The following UBE3D variants were observed in gnomAD, a reference collection of about 807,000 sequenced individuals.
UBE3D encodes E3 ubiquitin-protein ligase E3D.
A neutral mutation model predicts 49.6 loss-of-function variants in UBE3D; 48 were observed. The observed-to-expected ratio is 0.97, with a 90% CI of 0.77 to 1.23. The LOEUF (loss-of-function observed/expected upper bound fraction) is 1.23, where lower values mean the gene tolerates loss of function less well. Ranked by LOEUF, UBE3D falls within the 50% of genes most tolerant of loss-of-function variation. The pLI is 0.00. For missense variants in UBE3D, 452 were observed against 468.4 expected, an observed-to-expected ratio of 0.96 and a Z score of 0.32; for synonymous variants, 189 against 174.2, an observed-to-expected ratio of 1.08 and a Z score of -0.67.
intron 5 of UBE3D, among the ~76,000 whole-genome samples, chr6:83,032,743 G>A (rs904538733): frequency 6.6e-6 from 1 of 152,076 alleles, no homozygotes; most frequent in African/African-American, 2.4e-5. Context: ...GGGACCTGGT[G>A]GGAATTAACT....
chr6:83,045,483 T>C (rs1292760338), intron 3 of UBE3D, among the ~76,000 whole-genome samples: 2 of 152,212 alleles, frequency 1.3e-5, no homozygotes, highest in Non-Finnish European at 2.9e-5. Flanking sequence ...TATGTTCTTA[T>C]TAATTTGTAA....
intron 9 of UBE3D, among the ~76,000 whole-genome samples, chr6:82,956,544 C>T (rs1271472370): frequency 2.6e-5 from 4 of 152,118 alleles, no homozygotes; most frequent in Admixed American, 6.5e-5. Flanking sequence ...GGAAATGGCT[C>T]AGAAAGTAGA....
At chr6:82,909,953 G>C (rs1430873267) in intron 9 of UBE3D, among the ~76,000 whole-genome samples, 1 of 152,142 alleles carries the variant, frequency 6.6e-6, no homozygotes, top group Non-Finnish European at 1.5e-5. Context: ...GACTAGAAAG[G>C]CACCCTTGCA....
intron 3 of UBE3D, among the ~76,000 whole-genome samples, chr6:83,045,246 C>A (rs566879518): frequency 6.6e-6 from 1 of 151,860 alleles, no homozygotes; most frequent in South Asian, 2.1e-4. Flanking sequence ...TGGTGAATTT[C>A]TTTTCAGAAA....
At chr6:82,922,321 T>A (rs1237530443) in intron 9 of UBE3D, among the ~76,000 whole-genome samples, 1 of 152,190 alleles carries the variant, frequency 6.6e-6, no homozygotes. Flanking sequence ...ATGAATTTTA[T>A]GAAACCGGTA....
rs185348164 is a variant in UBE3D at position 83,000,875 on chromosome 6, G to A, written c.1010+18098C>T. On this transcript the variant is annotated intron_variant, in intron 8 of 9. Coordinates refer to ENST00000369747, the MANE Select transcript of UBE3D (RefSeq NM_198920.3). ...TTTTTTTTTTTTGAGACGGAGTCTC[G>A]CTCTTGTTGCCCAGACTGAAGTGCA... Among the ~76,000 whole-genome samples, 176 of 147,416 alleles carry A rather than the reference G, an allele frequency of 1.2e-3. 2 individuals carry two copies. Among genetic ancestry groups the A allele is most frequent in the African/African-American group, 4.0e-3 (157 of 39,688 alleles).
chr6:83,000,629 ATTG>A, intron 8 of UBE3D, among the ~76,000 whole-genome samples: 1 of 152,110 alleles, frequency 6.6e-6, no homozygotes. Flanking sequence ...ATCGGTTCTT[ATTG>A]TTCTTAGGAT....
chr6:82,908,548 A>C (rs1479557774), intron 9 of UBE3D, among the ~76,000 whole-genome samples: 2 of 152,224 alleles, frequency 1.3e-5, no homozygotes, highest in African/African-American at 2.4e-5. Flanking sequence ...CGAAAATAAG[A>C]AATAAAACAA....
At chr6:82,960,413 C>G (rs533531618) in intron 8 of UBE3D, among the ~76,000 whole-genome samples, 15 of 152,146 alleles carry the variant, frequency 9.9e-5, no homozygotes, top group African/African-American at 3.1e-4. Context: ...CTCCATAATC[C>G]ACTATTGTCT....
chr6:83,002,688 C>T (rs2127747928), intron 8 of UBE3D, among the ~76,000 whole-genome samples: 1 of 152,304 alleles, frequency 6.6e-6, no homozygotes, highest in East Asian at 1.9e-4. Context: ...CCGTCACAAA[C>T]AAACAAACAA....
At chr6:82,974,836 C>T (rs1582517949) in intron 8 of UBE3D, among the ~76,000 whole-genome samples, 1 of 150,154 alleles carries the variant, frequency 6.7e-6, no homozygotes, top group Admixed American at 6.6e-5. Context: ...AATATTAAAA[C>T]ACTGTCATCC....
intron 8 of UBE3D, among the ~76,000 whole-genome samples, chr6:82,972,929 A>G (rs1282089937): frequency 6.6e-6 from 1 of 152,162 alleles, no homozygotes; most frequent in Admixed American, 6.5e-5. Flanking sequence ...TTGAAAACAC[A>G]TATGTTTAAC....
intron 8 of UBE3D, among the ~76,000 whole-genome samples, chr6:82,985,825 T>G (rs1778448730): frequency 6.6e-6 from 1 of 152,198 alleles, no homozygotes; most frequent in South Asian, 2.1e-4. Flanking sequence ...TTCCTATGTA[T>G]TATGTTTATA....
rs576748967 is a variant in UBE3D at position 82,901,100 on chromosome 6, T to C, written c.1150-8058A>G. 2.8e-4 allele frequency among the ~76,000 whole-genome samples: 43 copies of C among 152,308 alleles called. 1 individual carries two copies. The South Asian group carries it at 8.7e-3, about 31-fold the overall frequency. Reference sequence around the variant, plus strand: ...GGATAACTACTATTAACATTTTGGATATATATTTCTAGATTTCTACTTTTC... The same window carrying C: ...GGATAACTACTATTAACATTTTGGACATATATTTCTAGATTTCTACTTTTC... On this transcript the variant is annotated intron_variant, in intron 9 of 9. Transcript: ENST00000369747.
rs1771045906 is a variant in UBE3D at position 82,892,984 on chromosome 6, G to T, written c.*38C>A. The T allele has an allele frequency of 6.2e-7, 1 of 1,613,178 alleles. No individual in the cohort carries two copies. The highest frequency in any genetic ancestry group is 8.5e-7 in the Non-Finnish European group (1 of 1,179,590). ...GGCCTCGGTGTGCTCCTGCTTGAGAGCTGTCTGCCGGGGGAGGAGAATGCC... is the reference window on the plus strand; with the variant it reads ...GGCCTCGGTGTGCTCCTGCTTGAGATCTGTCTGCCGGGGGAGGAGAATGCC... On this transcript the variant is annotated 3_prime_UTR_variant, in exon 10 of 10. Transcript: ENST00000369747.
Position 82,922,096 on chromosome 6 carries a change from T to C in UBE3D, c.1150-29054A>G, listed in dbSNP as rs192983058. 5.9e-5 allele frequency among the ~76,000 whole-genome samples: 9 copies of C among 151,696 alleles called. No individual in the cohort carries two copies. The East Asian group carries it at 1.6e-3, about 26-fold the overall frequency. On this transcript the variant is annotated intron_variant, in intron 9 of 9. Coordinates refer to ENST00000369747, the MANE Select transcript of UBE3D (RefSeq NM_198920.3). Reference sequence around the variant, plus strand: ...AAGAAAGATGAATAAGACCAGATAATAGTTGTAGCAGACATAAAAGGCATA... The same window carrying C: ...AAGAAAGATGAATAAGACCAGATAACAGTTGTAGCAGACATAAAAGGCATA...
At chr6:83,038,157 T>C (rs1447746249) in intron 5 of UBE3D, 3 of 293,076 alleles carry the variant, frequency 1.0e-5, no homozygotes, top group Non-Finnish European at 1.9e-5. Context: ...TATTGCTTTA[T>C]ATCTACAAAG....
the UBE3D span, among the ~76,000 whole-genome samples, chr6:82,884,482 A>G: frequency 2.6e-5 from 4 of 152,332 alleles, no homozygotes; most frequent in East Asian, 7.7e-4. Flanking sequence ...AGGACTTTCA[A>G]TAGTAAGTGA....
chr6:82,994,069 A>G (rs555974125), intron 8 of UBE3D, among the ~76,000 whole-genome samples: 1 of 152,356 alleles, frequency 6.6e-6, no homozygotes, highest in East Asian at 1.9e-4. Flanking sequence ...CAGGAGCAAA[A>G]CAATAATCAT....
Sources: allele counts gnomAD v4.1 joint callset (sites outside exome capture counted in the v4.1 genomes callset), GRCh38; gene constraint gnomAD v4.1.1; transcripts MANE v1.5; gene names NCBI Gene and HGNC (gene_info 2026-07-23, HGNC 2026-07-21).